The following IL17RC variants were observed in gnomAD, a reference collection of about 807,000 sequenced individuals.
The protein encoded by IL17RC is interleukin 17 receptor C, also known as interleukin-17 receptor C.
In IL17RC, 53 loss-of-function variants were observed where a neutral mutation model predicts 86.7. The observed-to-expected ratio is 0.61, with a 90% CI of 0.49 to 0.77. The LOEUF is 0.77. IL17RC is among the 30% of genes least tolerant of loss of function. The probability of loss-of-function intolerance (pLI) is 0.00; values close to 1 mark genes in which losing one functional copy is unlikely to be tolerated. For synonymous variants in IL17RC, 439 were observed against 413.1 expected, an observed-to-expected ratio of 1.06 and a Z score of -0.76; for missense variants, 957 against 940.0, an observed-to-expected ratio of 1.02 and a Z score of -0.24.
At chr3:9,932,427 C>T (rs1032141292) in intron 16 of IL17RC, among the ~76,000 whole-genome samples, 181 bp from the exon 17 acceptor site, 3 of 152,126 alleles carry the variant, frequency 2.0e-5, no homozygotes, top group Non-Finnish European at 4.4e-5. Context: ...GGGGTTTCAC[C>T]GTGTTAGCCA....
At chr3:9,921,992 G>A (rs537470928) in intron 7 of IL17RC, among the ~76,000 whole-genome samples, 32 of 125,662 alleles carry the variant, frequency 2.5e-4, no homozygotes, top group East Asian at 4.5e-4. Flanking sequence ...TTGCTCTGTC[G>A]CCTAGGCTGG....
At chr3:9,923,132 A>T (rs1271277169) in intron 7 of IL17RC, among the ~76,000 whole-genome samples, 1 of 147,474 alleles carries the variant, frequency 6.8e-6, no homozygotes, top group Non-Finnish European at 1.5e-5. Flanking sequence ...AGCCGAGATC[A>T]CACCACTGCA....
rs1394065237 is a variant in IL17RC, at chr3:9,928,715, A to G, written c.1110+85A>G. The G allele has an allele frequency of 1.3e-5, 19 of 1,425,438 alleles. No homozygotes were observed. The East Asian group carries it at 4.1e-4, about 31-fold the overall frequency. 88.3% of individuals were successfully genotyped at this position (1,425,438 alleles called of 1,614,324 possible). ...AGGGGGTCTTAGTTCTTGGGCCGCT[A>G]AAGCATAGTGGTTGCCAGCTTCCTC... is the stretch of plus-strand genomic sequence containing the variant. On this transcript the variant is annotated intron_variant, in intron 12 of 18. Transcript: ENST00000403601.
chr3:9,924,073 A>G, intron 8 of IL17RC, 53 bp downstream of exon 8: 1 of 1,611,288 alleles, frequency 6.2e-7, no homozygotes, highest in South Asian at 1.1e-5. Flanking sequence ...ATGCCTGTGC[A>G]AAGGACGCAG....
intron 4 of IL17RC, 28 bp from the exon 5 acceptor site, chr3:9,918,472 T>C: frequency 6.2e-7 from 1 of 1,610,672 alleles, no homozygotes; most frequent in Non-Finnish European, 8.5e-7. Flanking sequence ...CTCCTGGGCC[T>C]GACTGACCCC....
Position 9,931,909 on chromosome 3 carries a change from T to G in IL17RC, c.1388-699T>G, listed in dbSNP as rs542127134. Reference sequence around the variant, plus strand: ...AAAAAGACAGGGCAGGGACACCAGGTAGTTGCAGACACCCAGGACAGCAAG... The same window carrying G: ...AAAAAGACAGGGCAGGGACACCAGGGAGTTGCAGACACCCAGGACAGCAAG... On this transcript the variant is annotated intron_variant, in intron 16 of 18. Transcript: ENST00000403601. Among the ~76,000 whole-genome samples the G allele has an allele frequency of 1.2e-4, 18 of 147,580 alleles. No homozygotes were observed. The South Asian group carries it at 3.7e-3, about 30-fold the overall frequency.
At chr3:9,920,713 G>C (rs895345995) in intron 6 of IL17RC, 111 bp downstream of exon 6, 2 of 825,996 alleles carry the variant, frequency 2.4e-6, no homozygotes, top group African/African-American at 3.4e-5. Flanking sequence ...GGTCTGAGCT[G>C]CTATCCTCCC....
chr3:9,923,762 C>G, intron 7 of IL17RC, 119 bp from the exon 8 acceptor site: 1 of 1,104,080 alleles, frequency 9.1e-7, no homozygotes, highest in Non-Finnish European at 1.3e-6. Flanking sequence ...TGATGACACA[C>G]GCTCTGCCCT....
chr3:9,924,025 G>A lies in IL17RC; in HGVS notation c.762+5G>A, dbSNP rs1390478422. 1 of 1,613,416 alleles carries A rather than the reference G, an allele frequency of 6.2e-7. No homozygotes were observed. The highest frequency in any genetic ancestry group is 1.7e-5 in the Admixed American group (1 of 60,010). Reference sequence around the variant, plus strand: ...CCCCGGTGGCACAAAAACCTGGTGAGGCCTCCCCCTTCCCAAGTCCATTCC... The same window carrying A: ...CCCCGGTGGCACAAAAACCTGGTGAAGCCTCCCCCTTCCCAAGTCCATTCC... On this transcript the variant is annotated splice_donor_5th_base_variant and intron_variant, in intron 8 of 18. Transcript: ENST00000403601.
At chr3:9,922,621 G>A (rs865914306) in intron 7 of IL17RC, among the ~76,000 whole-genome samples, 4 of 152,230 alleles carry the variant, frequency 2.6e-5, no homozygotes, top group Non-Finnish European at 2.9e-5. Flanking sequence ...CGGAGCTGGT[G>A]TCAGGGTCAG....
rs576445464 is a variant in IL17RC, at chr3:9,919,899, A to G, written c.466-592A>G. Reference sequence around the variant, plus strand: ...CTTGGACCAAAGAAAGAGTCCTACCATACATACCATGGTATACTTACCATG... The same window carrying G: ...CTTGGACCAAAGAAAGAGTCCTACCGTACATACCATGGTATACTTACCATG... On this transcript the variant is annotated intron_variant, in intron 5 of 18. Coordinates refer to ENST00000403601, the MANE Select transcript of IL17RC (RefSeq NM_153460.4). 2.7e-3 allele frequency among the ~76,000 whole-genome samples: 415 copies of G among 152,124 alleles called. 1 individual carries two copies. The highest frequency in any genetic ancestry group is 9.7e-3 in the African/African-American group (402 of 41,500).
chr3:9,921,624 C>CTT lies in IL17RC; in HGVS notation c.622+672_622+673dup, dbSNP rs113901070. Among the ~76,000 whole-genome samples the CTT allele has an allele frequency of 8.8e-4, 120 of 135,738 alleles. 1 individual carries two copies. The highest frequency in any genetic ancestry group is 3.8e-3 in the Middle Eastern group (1 of 264). 89.0% of individuals were successfully genotyped at this position (135,738 alleles called of 152,430 possible). A position where few individuals can be genotyped will look rare whatever the true frequency, so the allele number is the denominator to read the frequency against. ...AAAGTATGTAAAGGGTACTGATTTT[C>CTT]TTTTTTTTTTTTTTTTTTGAGACAG... On this transcript the variant is annotated intron_variant, in intron 7 of 18. Coordinates refer to ENST00000403601, the MANE Select transcript of IL17RC (RefSeq NM_153460.4).
intron 12 of IL17RC, 92 bp from the exon 13 acceptor site, chr3:9,929,760 C>T: frequency 7.1e-7 from 1 of 1,401,144 alleles, no homozygotes. Context: ...ATTCCCAACC[C>T]AACAGGCCTT....
intron 9 of IL17RC, 139 bp from the exon 10 acceptor site, chr3:9,928,027 C>T: frequency 1.3e-6 from 1 of 766,798 alleles, no homozygotes; most frequent in Non-Finnish European, 2.3e-6. Context: ...ATGTGAGCAC[C>T]TCCAGGTTTT....
chr3:9,933,228 C>G lies in IL17RC; in HGVS notation c.1798C>G (p.Pro600Ala). ...GTGGCTACAGGATGGGGTGTCCGGG[C>G]CCGGGGCGCACGGCCCGCACGACGC... ...SEWLQDGVSG[P>A]GAHGPHDAFR... Residue 600 changes from proline (P) to alanine (A), a missense_variant, in exon 19 of 19, where the codon CCC (proline) becomes GCC (alanine). Pro to Ala is a conservative substitution (Grantham distance 27). Coordinates refer to ENST00000403601, the MANE Select transcript of IL17RC (RefSeq NM_153460.4). The G allele has an allele frequency of 6.2e-7, 1 of 1,606,742 alleles. No individual in the cohort carries two copies. Among genetic ancestry groups the G allele is most frequent in the Non-Finnish European group, 8.5e-7 (1 of 1,177,178 alleles).
chr3:9,917,877 C>T, intron 2 of IL17RC, 46 bp from the exon 3 acceptor site: 3 of 1,612,450 alleles, frequency 1.9e-6, no homozygotes, highest in African/African-American at 1.3e-5. Context: ...CCACCAAATT[C>T]TGGGCTTGGA....
At chr3:9,923,742 TG>T in intron 7 of IL17RC, 138 bp from the exon 8 acceptor site, 1 of 917,058 alleles carries the variant, frequency 1.1e-6, no homozygotes, top group Non-Finnish European at 1.6e-6. Context: ...GAGCAAAGTC[TG>T]GTCTGAAATG....
rs1187065150 is a variant in IL17RC at position 9,917,488 on chromosome 3, G to A, written c.105+68G>A. ...CAGTTTTTGGCTCAGCAAAGCCTTA[G>A]CCTGGCTCCTGTCACTGCTGCCACT... On this transcript the variant is annotated intron_variant, in intron 1 of 18. Coordinates refer to ENST00000403601, the MANE Select transcript of IL17RC (RefSeq NM_153460.4). 6.2e-7 allele frequency: 1 copy of A among 1,614,186 alleles called. No homozygotes were observed.
At chr3:9,927,813 G>C (rs2084232293) in intron 9 of IL17RC, among the ~76,000 whole-genome samples, 1 of 152,090 alleles carries the variant, frequency 6.6e-6, no homozygotes, top group South Asian at 2.1e-4. Context: ...GCCGGCCGTT[G>C]TGGCATGTTC....
Sources: gnomAD v4.1 joint callset for allele counts (sites outside exome capture counted in the v4.1 genomes callset) on GRCh38, gnomAD v4.1.1 for gene constraint, MANE v1.5 for transcripts, NCBI Gene and HGNC (gene_info 2026-07-23, HGNC 2026-07-21) for gene names.